The following APLP2 variants were observed in gnomAD, a reference collection of about 807,000 sequenced individuals.
The protein encoded by APLP2 is amyloid beta precursor like protein 2, also known as CDEI box-binding protein.
Under a neutral mutation model 89.9 loss-of-function variants are expected in APLP2, and 53 were observed. The observed-to-expected ratio is 0.59, with a 90% CI of 0.47 to 0.74. The LOEUF (loss-of-function observed/expected upper bound fraction) is 0.74, where lower values mean the gene tolerates loss of function less well. Among genes scored for constraint, APLP2 ranks in the 30% least tolerant of loss-of-function variants. APLP2 has a pLI of 0.00. For missense variants in APLP2, 973 were observed against 975.9 expected (o/e 1.00, Z 0.04); for synonymous variants, 372 against 348.6 (o/e 1.07, Z -0.75).
chr11:130,124,988 A>G (rs991529841), intron 7 of APLP2, among the ~76,000 whole-genome samples: 1 of 152,232 alleles, frequency 6.6e-6, no homozygotes, highest in Non-Finnish European at 1.5e-5. Context: ...GCTGTGAGAC[A>G]TGATGGAGTG....
chr11:130,135,400 T>C (rs1951451249), intron 12 of APLP2, among the ~76,000 whole-genome samples, 163 bp from the exon 13 acceptor site: 1 of 152,148 alleles, frequency 6.6e-6, no homozygotes, highest in Non-Finnish European at 1.5e-5. Context: ...GACGGCGCCC[T>C]GGGGTCCCTG....
Sources: gnomAD v4.1 joint callset for allele counts (sites outside exome capture counted in the v4.1 genomes callset) on GRCh38, gnomAD v4.1.1 for gene constraint, MANE v1.5 for transcripts, NCBI Gene and HGNC (gene_info 2026-07-23, HGNC 2026-07-21) for gene names.